KAZN: variants seen among roughly 807,000 people sequenced by gnomAD.
KAZN encodes the protein kazrin, periplakin interacting protein, also known as kazrin.
A neutral mutation model predicts 87.4 loss-of-function variants in KAZN; 40 were observed. That is an observed-to-expected ratio of 0.46 (90% CI 0.36 to 0.60). The LOEUF is 0.60. KAZN is among the 20% of genes least tolerant of loss of function. The pLI, the probability that KAZN is intolerant of heterozygous loss-of-function variation, is 0.00. For synonymous variants in KAZN, 466 were observed against 458.3 expected (o/e 1.02, Z -0.22); for missense variants, 898 against 1,073.9 (o/e 0.84, Z 2.29).
Position 15,056,296 on chromosome 1 carries a change from G to C in KAZN, c.916+16G>C, listed in dbSNP as rs2100489586. On this transcript the variant is annotated intron_variant, in intron 5 of 14. Coordinates refer to ENST00000376030, the MANE Select transcript of KAZN (RefSeq NM_201628.3). This position sits in a 1 kb window ranked among gnomAD's most constrained non-coding sequence, Gnocchi z 5.4. ...GACCGGCAAGGTGAGTCCTGCCCTGGCCTGGCTCCACCACGGCTTCGAGGG... is the reference window on the plus strand; with the variant it reads ...GACCGGCAAGGTGAGTCCTGCCCTGCCCTGGCTCCACCACGGCTTCGAGGG... The C allele has an allele frequency of 6.3e-7, 1 of 1,586,196 alleles. No individual in the cohort carries two copies. Among genetic ancestry groups the C allele is most frequent in the Non-Finnish European group, 8.6e-7 (1 of 1,159,270 alleles).
chr1:14,717,820 A>T (rs1390195253), intron 1 of KAZN, among the ~76,000 whole-genome samples: 3 of 152,162 alleles, frequency 2.0e-5, no homozygotes, highest in Non-Finnish European at 1.5e-5. Flanking sequence ...CTTGGCCAAA[A>T]AAAGGTCGGG....
intron 1 of KAZN, among the ~76,000 whole-genome samples, chr1:14,048,490 A>T (rs1480060450): frequency 6.7e-6 from 1 of 149,890 alleles, no homozygotes; most frequent in Non-Finnish European, 1.5e-5. Flanking sequence ...TGCAACCTCT[A>T]CCTCTGGGAT....
In KAZN at chr1:14,154,744, G is replaced by A. The variant is rs561857770; in HGVS notation, c.92-25691G>A. Reference sequence around the variant, plus strand: ...ATCAAATGCTTTTTCAGCATCCATTGAAATAATTATATGGTTTTTGTCCTT... The same window carrying A: ...ATCAAATGCTTTTTCAGCATCCATTAAAATAATTATATGGTTTTTGTCCTT... On this transcript the variant is annotated intron_variant, in intron 1 of 16. Transcript: ENST00000636203. 6.6e-5 allele frequency among the ~76,000 whole-genome samples: 10 copies of A among 152,274 alleles called. No homozygotes were observed. In the South Asian group the frequency reaches 2.1e-3, roughly 32 times the overall value.
chr1:14,198,557 G>A (rs569335420), intron 2 of KAZN, among the ~76,000 whole-genome samples: 30 of 152,192 alleles, frequency 2.0e-4, no homozygotes, highest in East Asian at 9.7e-4. Context: ...CTGAGATTGC[G>A]CCATTGCACT....
intron 2 of KAZN, among the ~76,000 whole-genome samples, chr1:14,299,371 C>T (rs1654363737): frequency 6.6e-6 from 1 of 151,998 alleles, no homozygotes; most frequent in Admixed American, 6.6e-5. Flanking sequence ...GGCGTGTTGG[C>T]ATGCACCTGT....
intron 2 of KAZN, among the ~76,000 whole-genome samples, chr1:14,263,876 T>C (rs1433334485): frequency 6.6e-6 from 1 of 152,226 alleles, no homozygotes; most frequent in Non-Finnish European, 1.5e-5. Context: ...TTTGAAGTTA[T>C]GCATCTGCCA....
At chr1:14,851,352 T>C (rs61773563) in intron 1 of KAZN, among the ~76,000 whole-genome samples, 8,264 of 152,302 alleles carry the variant, frequency 0.054, 332 homozygotes, top group Admixed American at 0.11. Context: ...GGCTCCCTTC[T>C]GCGGTGGTGG....
rs185409735 is a variant in KAZN at position 14,388,716 on chromosome 1, T to C, written c.249+208124T>C. Among the ~76,000 whole-genome samples, 73 of 152,238 alleles carry C rather than the reference T, an allele frequency of 4.8e-4. 1 individual carries two copies. The highest frequency in any genetic ancestry group is 1.6e-3 in the African/African-American group (68 of 41,538). Reference sequence around the variant, plus strand: ...AATCAAATCAAGAAGAATTACAGACTTAAATATAAGACCTAAAACTATGAT... The same window carrying C: ...AATCAAATCAAGAAGAATTACAGACCTAAATATAAGACCTAAAACTATGAT... On this transcript the variant is annotated intron_variant, in intron 2 of 16. Transcript: ENST00000636203.
At chr1:15,014,647 T>A (rs941845121) in intron 2 of KAZN, among the ~76,000 whole-genome samples, 2 of 152,180 alleles carry the variant, frequency 1.3e-5, no homozygotes, top group Admixed American at 6.5e-5. Context: ...CATCTGTCAC[T>A]GTCCAGAAAG....
intron 2 of KAZN, among the ~76,000 whole-genome samples, chr1:14,369,998 C>T (rs1308537379): frequency 6.6e-6 from 1 of 152,172 alleles, no homozygotes; most frequent in Non-Finnish European, 1.5e-5. Flanking sequence ...TGCATTCCAC[C>T]TCCCCACACG....
chr1:13,910,252 T>C (rs1307169563), intron 1 of KAZN, among the ~76,000 whole-genome samples: 1 of 152,184 alleles, frequency 6.6e-6, no homozygotes, highest in Non-Finnish European at 1.5e-5. Flanking sequence ...CTGACGCCTG[T>C]AATCCCAGCA....
intron 2 of KAZN, among the ~76,000 whole-genome samples, chr1:14,289,185 T>A (rs1220072705): frequency 6.6e-6 from 1 of 152,202 alleles, no homozygotes; most frequent in African/African-American, 2.4e-5. Flanking sequence ...GTTCTGTAGA[T>A]GTCTATTGGG....
At chr1:15,059,572 G>A (rs575229056) in intron 5 of KAZN, among the ~76,000 whole-genome samples, 104 of 152,278 alleles carry the variant, frequency 6.8e-4, no homozygotes, top group African/African-American at 1.4e-3. Flanking sequence ...TCTTCCAGGC[G>A]AGAGTCAGTG....
chr1:14,938,922 T>C (rs1557640790), intron 1 of KAZN, among the ~76,000 whole-genome samples: 1 of 152,236 alleles, frequency 6.6e-6, no homozygotes, highest in Non-Finnish European at 1.5e-5. Flanking sequence ...CTGTGTGCAA[T>C]ACAATGGATT....
At chr1:14,365,440 C>T (rs1659919796) in intron 2 of KAZN, among the ~76,000 whole-genome samples, 1 of 150,624 alleles carries the variant, frequency 6.6e-6, no homozygotes, top group Non-Finnish European at 1.5e-5. Context: ...AGCATGACCT[C>T]ATCTTAATTA....
chr1:14,477,211 T>G lies in KAZN; in HGVS notation c.250-121772T>G, dbSNP rs376949023. Among the ~76,000 whole-genome samples the G allele has an allele frequency of 6.4e-4, 97 of 152,060 alleles. No homozygotes were observed. The South Asian group carries it at 6.4e-3, about 10-fold the overall frequency. On this transcript the variant is annotated intron_variant, in intron 2 of 16. Transcript: ENST00000636203. ...ATGAATCTCACAAGATCTGATGGTT[T>G]TTAAAATGGGAGTTTCCCTACACAA...
chr1:14,686,138 A>G (rs1173266009), intron 1 of KAZN, among the ~76,000 whole-genome samples: 1 of 152,094 alleles, frequency 6.6e-6, no homozygotes, highest in African/African-American at 2.4e-5. Context: ...GCGTGATCTC[A>G]GCTCACTGCA....
intron 1 of KAZN, among the ~76,000 whole-genome samples, chr1:13,940,389 T>G (rs902195234): frequency 6.6e-6 from 1 of 152,216 alleles, no homozygotes; most frequent in African/African-American, 2.4e-5. Flanking sequence ...TTCTATGAGT[T>G]TATGCATTTC....
At chr1:14,315,598 AC>A (rs1201755578) in intron 2 of KAZN, among the ~76,000 whole-genome samples, 7 of 152,010 alleles carry the variant, frequency 4.6e-5, no homozygotes, top group African/African-American at 1.7e-4. Context: ...CTGCTTTCTA[AC>A]ACTATAGACC....
Sources: gnomAD v4.1 joint callset for allele counts (sites outside exome capture counted in the v4.1 genomes callset) on GRCh38, gnomAD v4.1.1 for gene constraint, Gnocchi (gnomAD v3.1) non-coding constraint, MANE v1.5 for transcripts, NCBI Gene and HGNC (gene_info 2026-07-23, HGNC 2026-07-21) for gene names.